Variants in MALRD1 observed in about 807,000 individuals in gnomAD.
The protein encoded by MALRD1 is MAM and LDL-receptor class A domain-containing protein 1.
In MALRD1, 247 loss-of-function variants were observed where a neutral mutation model predicts 242.1. The ratio of observed to expected loss-of-function variants is 1.02; its 90% CI spans 0.92 to 1.13. MALRD1 has a LOEUF of 1.13. MALRD1 is among the 50% of genes most tolerant of loss of function. The pLI is 0.00. For missense variants in MALRD1, 2,989 were observed against 2,533.1 expected, an observed-to-expected ratio of 1.18 and a Z score of -3.86; for synonymous variants, 995 against 866.6, an observed-to-expected ratio of 1.15 and a Z score of -2.60.
At chr10:19,381,489 T>C (rs1016847793) in intron 26 of MALRD1, among the ~76,000 whole-genome samples, 2 of 151,996 alleles carry the variant, frequency 1.3e-5, no homozygotes, top group Non-Finnish European at 2.9e-5. Flanking sequence ...CTTTCAGATA[T>C]ATCATGTATT....
At chr10:19,643,382 G>T (rs1328868939) in intron 36 of MALRD1, among the ~76,000 whole-genome samples, 1 of 152,106 alleles carries the variant, frequency 6.6e-6, no homozygotes, top group Non-Finnish European at 1.5e-5. Flanking sequence ...GGAGGCGGAG[G>T]TTTCAGTGAG....
In MALRD1 at chr10:19,438,268, T is replaced by A. The variant is rs181640785; in HGVS notation, c.4846-12039T>A. On this transcript the variant is annotated intron_variant, in intron 28 of 39. Coordinates refer to ENST00000454679, the MANE Select transcript of MALRD1 (RefSeq NM_001142308.3). Reference sequence around the variant, plus strand: ...TCTGCACAATAGAAATATAAATATGTCCTCAAATATAAAAATGTCCTCAAA... The same window carrying A: ...TCTGCACAATAGAAATATAAATATGACCTCAAATATAAAAATGTCCTCAAA... Among the ~76,000 whole-genome samples the A allele has an allele frequency of 2.3e-3, 352 of 152,212 alleles. 2 individuals are homozygous for A. The highest frequency in any genetic ancestry group is 8.3e-3 in the African/African-American group (343 of 41,564).
At chr10:19,224,195 C>T (rs568935495) in intron 18 of MALRD1, among the ~76,000 whole-genome samples, 169 of 152,242 alleles carry the variant, frequency 1.1e-3, no homozygotes, top group Non-Finnish European at 1.6e-3. Flanking sequence ...TTCTCCACAT[C>T]CTCTCTAGCA....
chr10:19,347,410 T>C (rs1844181097), intron 24 of MALRD1, among the ~76,000 whole-genome samples: 1 of 152,180 alleles, frequency 6.6e-6, no homozygotes, highest in African/African-American at 2.4e-5. Context: ...CTAAAATGTA[T>C]TGCAGAATAA....
At chr10:19,244,666 A>G (rs1026721405) in intron 18 of MALRD1, among the ~76,000 whole-genome samples, 3 of 152,214 alleles carry the variant, frequency 2.0e-5, no homozygotes, top group African/African-American at 4.8e-5. Flanking sequence ...GGCCATTGCT[A>G]CTTGCATTTT....
intron 34 of MALRD1, among the ~76,000 whole-genome samples, chr10:19,597,603 C>T (rs1472109516): frequency 1.3e-5 from 2 of 152,166 alleles, no homozygotes; most frequent in South Asian, 2.1e-4. Context: ...TCACAAACCT[C>T]ATTAAGATCC....
intron 18 of MALRD1, among the ~76,000 whole-genome samples, chr10:19,214,846 T>G (rs1211545941): frequency 1.3e-5 from 2 of 152,188 alleles, no homozygotes; most frequent in Non-Finnish European, 2.9e-5. Flanking sequence ...AAATTGCCTT[T>G]GCTTGATGAG....
At chr10:19,653,986 A>T (rs1407477412) in intron 36 of MALRD1, among the ~76,000 whole-genome samples, 1 of 151,958 alleles carries the variant, frequency 6.6e-6, no homozygotes, top group Non-Finnish European at 1.5e-5. Flanking sequence ...TTTTAATTAA[A>T]CTCTTTGTTA....
At chr10:19,047,849 A>G (rs918335629), upstream of MALRD1, among the ~76,000 whole-genome samples, 5 of 152,150 alleles carry the variant, frequency 3.3e-5, no homozygotes, top group African/African-American at 1.2e-4. Context: ...CCCCTGGTCT[A>G]TGCTCCTTTC....
intron 18 of MALRD1, among the ~76,000 whole-genome samples, chr10:19,229,490 C>T (rs954054551): frequency 2.4e-4 from 37 of 152,132 alleles, no homozygotes; most frequent in African/African-American, 7.2e-4. Flanking sequence ...CTCCTGGTTC[C>T]GCTGGCTGAT....
chr10:19,607,947 C>G, intron 35 of MALRD1, 45 bp downstream of exon 35: 1 of 1,541,080 alleles, frequency 6.5e-7, no homozygotes, highest in Non-Finnish European at 8.8e-7. Flanking sequence ...GAACCAGCAA[C>G]TTAACCTGCA....
rs189221080 is a variant in MALRD1, at chr10:19,386,984, A to G, written c.4442-544A>G. Among the ~76,000 whole-genome samples the G allele has an allele frequency of 7.2e-5, 11 of 152,312 alleles. No homozygotes were observed. The East Asian group carries it at 1.7e-3, about 24-fold the overall frequency. ...TTCTAAAAGTCCAAATTATAGACAA[A>G]TAAATATGCATTTTAGAGAAAAATC... On this transcript the variant is annotated intron_variant, in intron 26 of 39. Transcript: ENST00000454679.
chr10:19,336,179 T>C (rs985894494), intron 24 of MALRD1, among the ~76,000 whole-genome samples: 1 of 152,240 alleles, frequency 6.6e-6, no homozygotes. Context: ...ATACAGGATG[T>C]AGTCAAAAGT....
intron 20 of MALRD1, among the ~76,000 whole-genome samples, chr10:19,280,783 A>T (rs923283945): frequency 1.2e-4 from 19 of 152,232 alleles, no homozygotes. Flanking sequence ...CAAACTATTT[A>T]GTTTAAAAAT....
intron 36 of MALRD1, among the ~76,000 whole-genome samples, chr10:19,662,614 C>A (rs1293369495): frequency 6.6e-6 from 1 of 151,998 alleles, no homozygotes; most frequent in East Asian, 1.9e-4. Context: ...GTGATTTACT[C>A]AAGGTCATCC....
intron 19 of MALRD1, among the ~76,000 whole-genome samples, chr10:19,263,109 C>G (rs573542005): frequency 6.6e-6 from 1 of 152,238 alleles, no homozygotes; most frequent in South Asian, 2.1e-4. Context: ...TCATTGGAGT[C>G]CAGATGTCTC....
chr10:19,214,546 A>T (rs548936110), intron 18 of MALRD1, among the ~76,000 whole-genome samples: 1 of 152,148 alleles, frequency 6.6e-6, no homozygotes, highest in South Asian at 2.1e-4. Flanking sequence ...ATTGAATGAG[A>T]CTCTCTGCTT....
intron 38 of MALRD1, among the ~76,000 whole-genome samples, chr10:19,699,335 G>A (rs1328139619): frequency 7.2e-6 from 1 of 139,452 alleles, no homozygotes; most frequent in Non-Finnish European, 1.5e-5. Flanking sequence ...AAGGTAGGAG[G>A]GAGGAAATTG....
In MALRD1 at chr10:19,203,627, A is replaced by C. The variant is rs1197078363; in HGVS notation, c.1952-101A>C. On this transcript the variant is annotated intron_variant, in intron 14 of 39. Transcript: ENST00000454679. ...GTGTCCCTCATTGCCCTTCATGTGC[A>C]TACAGAAGCATAATAAGGTGAATTC... 3.3e-6 allele frequency: 4 copies of C among 1,202,854 alleles called. No homozygotes were observed. In the Admixed American group the frequency reaches 1.2e-4, roughly 35 times the overall value. The allele number at this position is 1,202,854 out of a possible 1,614,324, so 74.5% of individuals were successfully genotyped here.
Sources: gnomAD v4.1 joint callset for allele counts (sites outside exome capture counted in the v4.1 genomes callset) on GRCh38, gnomAD v4.1.1 for gene constraint, MANE v1.5 for transcripts, NCBI Gene and HGNC (gene_info 2026-07-23, HGNC 2026-07-21) for gene names.